APOBEC3B: variants seen among roughly 807,000 people sequenced by gnomAD.
The protein encoded by APOBEC3B is apolipoprotein B mRNA editing enzyme catalytic subunit 3B.
In APOBEC3B, 29 loss-of-function variants were observed where a neutral mutation model predicts 53.4. That is an observed-to-expected ratio of 0.54 (90% CI 0.40 to 0.74). APOBEC3B has a LOEUF of 0.74. Among genes scored for constraint, APOBEC3B ranks in the 30% least tolerant of loss-of-function variants. The pLI is 0.00. For missense variants in APOBEC3B, 347 were observed against 496.2 expected (o/e 0.70, Z 2.86); for synonymous variants, 132 against 184.8 (o/e 0.71, Z 2.32).
Position 38,986,383 on chromosome 22 carries a change from C to A in APOBEC3B, c.540C>A (p.Phe180Leu). ...PWYKFDENYA[F>L]LHRTLKEILR... Reference sequence around the variant, plus strand: ...ACAAATTCGATGAAAATTATGCATTCCTGCACCGCACGCTAAAGGAGATTC... The same window carrying A: ...ACAAATTCGATGAAAATTATGCATTACTGCACCGCACGCTAAAGGAGATTC... Residue 180 changes from phenylalanine to leucine, a missense_variant, in exon 4 of 8, where the codon TTC becomes TTA. Physicochemically the swap from Phe to Leu is conservative, Grantham distance 22 (BLOSUM62 0). Coordinates refer to ENST00000333467, the MANE Select transcript of APOBEC3B (RefSeq NM_004900.5). 1 of 1,593,838 alleles carries A rather than the reference C, an allele frequency of 6.3e-7. No individual in the cohort carries two copies. Among genetic ancestry groups the A allele is most frequent in the African/African-American group, 1.3e-5 (1 of 74,428 alleles).
chr22:38,988,685 C>CTTTCTTTCTTTCTTTCT (rs1347994855), intron 4 of APOBEC3B, among the ~76,000 whole-genome samples: 2 of 45,506 alleles, frequency 4.4e-5, no homozygotes, highest in Non-Finnish European at 9.4e-5. Flanking sequence ...CTCTCTTTCT[C>CTTTCTTTCTTTCTTTCT]TTTCTTTCTT....
intron 2 of APOBEC3B, among the ~76,000 whole-genome samples, chr22:38,985,013 G>C (rs755456547): frequency 7.1e-6 from 1 of 141,762 alleles, no homozygotes; most frequent in African/African-American, 2.6e-5. Context: ...GTGATTCTTC[G>C]GCCTTAGCCT....
rs367983113 is a variant in APOBEC3B at position 38,989,634 on chromosome 22, C to T, written c.723+24C>T. 1.4e-4 allele frequency: 220 copies of T among 1,541,692 alleles called. 20 individuals are homozygous for T. The highest frequency in any genetic ancestry group is 1.1e-3 in the Admixed American group (58 of 53,056). On this transcript the variant is annotated intron_variant, in intron 5 of 7. Transcript: ENST00000333467. ...AGGTGACCGACCCAGCCACCTGCAT[C>T]CAGGCAGGGCCCTCCCAATCCAGGG...
chr22:38,984,043 T>C, intron 1 of APOBEC3B, 32 bp from the exon 2 acceptor site: 1 of 1,568,470 alleles, frequency 6.4e-7, no homozygotes, highest in African/African-American at 1.4e-5. Flanking sequence ...GAGGGCTCCC[T>C]GCATGGGCCG....
intron 4 of APOBEC3B, among the ~76,000 whole-genome samples, chr22:38,988,683 C>CTCTCTCTCTTTCCTTCTT (rs1555894372): frequency 2.1e-5 from 1 of 47,512 alleles, no homozygotes; most frequent in African/African-American, 9.0e-5. Context: ...TTCTCTCTTT[C>CTCTCTCTCTTTCCTTCTT]TCTTTCTTTC....
chr22:38,989,340 C>A, intron 4 of APOBEC3B, 117 bp from the exon 5 acceptor site: 1 of 1,007,012 alleles, frequency 9.9e-7, no homozygotes, highest in Non-Finnish European at 1.4e-6. Flanking sequence ...AGCGCCTCCT[C>A]TGACAGGTGC....
At position 38,986,246 on chromosome 22, in the gene APOBEC3B, G is replaced by C. The variant is rs928208483; in HGVS notation, c.455-52G>C. ...ACAGCCAGGAGACCAGGCCTGGGAG[G>C]ACAGGCCAGGGTCAGGGGAGAGCCT... On this transcript the variant is annotated intron_variant, in intron 3 of 7. Coordinates refer to ENST00000333467, the MANE Select transcript of APOBEC3B (RefSeq NM_004900.5). 4 of 1,589,606 alleles carry C rather than the reference G, an allele frequency of 2.5e-6. No homozygotes were observed. The African/African-American group carries it at 5.4e-5, about 21-fold the overall frequency.
intron 4 of APOBEC3B, among the ~76,000 whole-genome samples, chr22:38,987,024 A>G (rs1276849210): frequency 1.3e-5 from 2 of 148,898 alleles, no homozygotes; most frequent in Non-Finnish European, 3.0e-5. Context: ...AAAGCAGCAT[A>G]AAGTGAGGCT....
chr22:38,989,601 A>T lies in APOBEC3B; in HGVS notation c.714A>T (p.Leu238=), dbSNP rs1224250500. 1.3e-6 allele frequency: 2 copies of T among 1,571,578 alleles called. No individual in the cohort carries two copies. Among genetic ancestry groups the T allele is most frequent in the Non-Finnish European group, 1.7e-6 (2 of 1,157,732 alleles). ...WVLMDQHMGF[L]CNEAKNLLCG... is the part of the protein sequence containing the mutation. The stretch of plus-strand genomic sequence containing the variant: ...TGATGGACCAGCACATGGGCTTTCT[A>T]TGCAACGAGGTGACCGACCCAGCCA... Residue 238 remains leucine, a synonymous_variant, in exon 5 of 8, where the codon CTA becomes CTT. Transcript: ENST00000333467.
Position 38,989,947 on chromosome 22 carries a change from C to T in APOBEC3B, c.723+337C>T, listed in dbSNP as rs543255332. ...CAAGGCCAGGATGTCCCTGTGCCCT[C>T]TCTTGGGCTTCATCCTGCGGAGAGA... is the stretch of plus-strand genomic sequence containing the variant. On this transcript the variant is annotated intron_variant, in intron 5 of 7. Coordinates refer to ENST00000333467, the MANE Select transcript of APOBEC3B (RefSeq NM_004900.5). Among the ~76,000 whole-genome samples the T allele has an allele frequency of 1.0e-4, 15 of 148,992 alleles. 1 individual carries two copies. The highest frequency in any genetic ancestry group is 3.2e-4 in the African/African-American group (13 of 41,056).
At chr22:38,988,741 C>CTT (rs1174661651) in intron 4 of APOBEC3B, among the ~76,000 whole-genome samples, 1 of 121,536 alleles carries the variant, frequency 8.2e-6, no homozygotes, top group African/African-American at 3.5e-5. Context: ...TTCTTTCTTT[C>CTT]TTTCTTCCTT....
chr22:38,985,884 T>C lies in APOBEC3B; in HGVS notation c.247T>C (p.Tyr83His), dbSNP rs1249226818. 2 of 1,596,770 alleles carry C rather than the reference T, an allele frequency of 1.3e-6. No homozygotes were observed. Among genetic ancestry groups the C allele is most frequent in the South Asian group, 2.2e-5 (2 of 89,216 alleles). ...SWFCGNQLPA[Y>H]KCFQITWFVS... Reference sequence around the variant, plus strand: ...GTTCTGTGGCAACCAGCTGCCTGCTTACAAGTGTTTCCAGATCACCTGGTT... The same window carrying C: ...GTTCTGTGGCAACCAGCTGCCTGCTCACAAGTGTTTCCAGATCACCTGGTT... Residue 83 changes from tyrosine to histidine, a missense_variant, in exon 3 of 8, where the codon TAC becomes CAC. Physicochemically the swap from Tyr to His is moderately conservative, Grantham distance 83. Coordinates refer to ENST00000333467, the MANE Select transcript of APOBEC3B (RefSeq NM_004900.5).
In APOBEC3B at chr22:38,989,531, A is replaced by G. The variant is rs1274878052; in HGVS notation, c.644A>G (p.Tyr215Cys). 1 of 1,589,688 alleles carries G rather than the reference A, an allele frequency of 6.3e-7. No homozygotes were observed. Among genetic ancestry groups the G allele is most frequent in the Non-Finnish European group, 8.5e-7 (1 of 1,169,980 alleles). ...TTGGTCCTTCGACGGCGCCAGACCT[A>G]CTTGTGCTATGAGGTGGAGCGCCTG... The part of the protein sequence containing the change: ...DPLVLRRRQT[Y>C]LCYEVERLDN... Residue 215 changes from tyrosine to cysteine, a missense_variant, in exon 5 of 8, where the codon TAC becomes TGC. Coordinates refer to ENST00000333467, the MANE Select transcript of APOBEC3B (RefSeq NM_004900.5).
intron 6 of APOBEC3B, 90 bp from the exon 7 acceptor site, chr22:38,991,944 T>G: frequency 1.4e-6 from 2 of 1,448,238 alleles, no homozygotes; most frequent in Non-Finnish European, 1.8e-6. Context: ...GAAACCAGGA[T>G]GTGGGAAGTC....
At position 38,987,029 on chromosome 22, in the gene APOBEC3B, G is replaced by A. The variant is rs187847564; in HGVS notation, c.569+617G>A. On this transcript the variant is annotated intron_variant, in intron 4 of 7. Transcript: ENST00000333467. ...TCCAGGTGAGAAAGCAGCATAAAGT[G>A]AGGCTTGCACTCAGATGGGCCTGGG... Among the ~76,000 whole-genome samples, 374 of 148,928 alleles carry A rather than the reference G, an allele frequency of 2.5e-3. 22 individuals are homozygous for A. The highest frequency in any genetic ancestry group is 8.9e-3 in the African/African-American group (365 of 40,988).
Position 38,988,477 on chromosome 22 carries a change from C to A in APOBEC3B, c.570-980C>A, listed in dbSNP as rs1372493209. 1.3e-5 allele frequency among the ~76,000 whole-genome samples: 2 copies of A among 148,604 alleles called. 1 individual carries two copies. The highest frequency in any genetic ancestry group is 3.0e-5 in the Non-Finnish European group (2 of 67,320). Reference sequence around the variant, plus strand: ...TATGTTCAGTGTCATCTCGTTCTCCCTAATATTTAGAAAAGGGTGTTGCTT... The same window carrying A: ...TATGTTCAGTGTCATCTCGTTCTCCATAATATTTAGAAAAGGGTGTTGCTT... On this transcript the variant is annotated intron_variant, in intron 4 of 7. Coordinates refer to ENST00000333467, the MANE Select transcript of APOBEC3B (RefSeq NM_004900.5).
intron 4 of APOBEC3B, among the ~76,000 whole-genome samples, chr22:38,988,730 T>TTTCTTTCTTTCTTTCC (rs1569039135): frequency 7.3e-6 from 1 of 137,026 alleles, no homozygotes; most frequent in Non-Finnish European, 1.5e-5. Context: ...TCTTTCTTTC[T>TTTCTTTCTTTCTTTCC]TTCTTTCTTT....
intron 5 of APOBEC3B, 36 bp downstream of exon 5, chr22:38,989,646 CT>C: frequency 6.5e-7 from 1 of 1,533,258 alleles, no homozygotes; most frequent in Non-Finnish European, 8.8e-7. Context: ...AGGCAGGGCC[CT>C]CCCAATCCAG....
At chr22:38,983,991 TG>T (rs1923632388) in intron 1 of APOBEC3B, 83 bp from the exon 2 acceptor site, 2 of 1,473,108 alleles carry the variant, frequency 1.4e-6, no homozygotes, top group Non-Finnish European at 1.8e-6. Flanking sequence ...AGGGCCATCC[TG>T]GGAGCTGTGT....
Sources: gnomAD v4.1 joint callset for allele counts (sites outside exome capture counted in the v4.1 genomes callset) on GRCh38, gnomAD v4.1.1 for gene constraint, MANE v1.5 for transcripts, NCBI Gene and HGNC (gene_info 2026-07-23, HGNC 2026-07-21) for gene names.